Variants in PRELID2 observed in about 807,000 individuals in gnomAD.
The protein encoded by PRELID2 is PRELI domain containing 2, also known as PRELI domain-containing protein 2.
PRELID2 carries 25 observed loss-of-function variants against 28.4 expected under a neutral mutation model. The ratio of observed to expected loss-of-function variants is 0.88; its 90% CI spans 0.64 to 1.23. The LOEUF (loss-of-function observed/expected upper bound fraction) is 1.23, where lower values mean the gene tolerates loss of function less well. Among genes scored for constraint, PRELID2 ranks in the 50% most tolerant of loss-of-function variants. The pLI is 0.00. For missense variants in PRELID2, 201 were observed against 214.4 expected (o/e 0.94, Z 0.39); for synonymous variants, 76 against 71.6 (o/e 1.06, Z -0.31).
At chr5:145,230,076 G>A in the PRELID2 span, 3 of 655,588 alleles carry the variant, frequency 4.6e-6, no homozygotes, top group South Asian at 2.8e-5. Context: ...ATGAGGAGCT[G>A]GGGCCTCCTC....
the PRELID2 span, among the ~76,000 whole-genome samples, chr5:145,240,063 T>C: frequency 6.6e-6 from 1 of 152,000 alleles, no homozygotes; most frequent in African/African-American, 2.4e-5. Flanking sequence ...GCGTCTTTCT[T>C]GTTGATAATA....
chr5:145,294,984 C>G, the PRELID2 span, among the ~76,000 whole-genome samples: 2 of 152,092 alleles, frequency 1.3e-5, no homozygotes, highest in Non-Finnish European at 1.5e-5. Context: ...GCTTCACAGC[C>G]ATTTTGCTGT....
At chr5:145,721,409 G>A (rs1243838491) in intron 1 of PRELID2, among the ~76,000 whole-genome samples, 13 of 152,082 alleles carry the variant, frequency 8.5e-5, no homozygotes, top group Admixed American at 8.5e-4. Context: ...AGGCTAACCA[G>A]CAGACAAGGG....
chr5:145,625,564 A>G (rs1753834396), intron 1 of PRELID2, among the ~76,000 whole-genome samples: 1 of 152,264 alleles, frequency 6.6e-6, no homozygotes, highest in Admixed American at 6.5e-5. Context: ...ATAAAAATCC[A>G]ACATCTTTTG....
At chr5:145,834,926 G>A in intron 1 of PRELID2, 1 of 413,700 alleles carries the variant, frequency 2.4e-6, no homozygotes. Context: ...ATTCCCGGAG[G>A]CTCTTCCTAA....
the PRELID2 span, among the ~76,000 whole-genome samples, chr5:145,418,763 T>G: frequency 6.6e-6 from 1 of 151,964 alleles, no homozygotes; most frequent in Non-Finnish European, 1.5e-5. Context: ...AGTTTTAGGG[T>G]ACATGTGCAC....
At chr5:145,369,276 C>A in the PRELID2 span, among the ~76,000 whole-genome samples, 1 of 151,980 alleles carries the variant, frequency 6.6e-6, no homozygotes, top group Non-Finnish European at 1.5e-5. Flanking sequence ...CTTCCCTAGC[C>A]CCTCAACACC....
At chr5:145,516,573 T>G (rs946044164) in intron 1 of PRELID2, among the ~76,000 whole-genome samples, 1 of 152,176 alleles carries the variant, frequency 6.6e-6, no homozygotes, top group African/African-American at 2.4e-5. Context: ...CAAAGTAATT[T>G]ATAGATTCAA....
chr5:145,583,659 G>A (rs1278198687), intron 1 of PRELID2, among the ~76,000 whole-genome samples: 1 of 151,966 alleles, frequency 6.6e-6, no homozygotes, highest in African/African-American at 2.4e-5. Context: ...GGCAAGCAGA[G>A]AGCCAAATTA....
At chr5:145,368,256 A>T in the PRELID2 span, among the ~76,000 whole-genome samples, 4 of 152,076 alleles carry the variant, frequency 2.6e-5, no homozygotes, top group South Asian at 4.1e-4. Flanking sequence ...AATGTTTTAA[A>T]TGGGATGCTC....
At chr5:145,653,764 T>C (rs1391890950) in intron 1 of PRELID2, among the ~76,000 whole-genome samples, 2 of 152,122 alleles carry the variant, frequency 1.3e-5, no homozygotes, top group Non-Finnish European at 2.9e-5. Flanking sequence ...TAGAGGGAAA[T>C]TTATAGCATT....
intron 1 of PRELID2, among the ~76,000 whole-genome samples, chr5:145,511,478 T>C (rs371176834): frequency 3.3e-5 from 5 of 152,226 alleles, no homozygotes; most frequent in East Asian, 3.8e-4. Flanking sequence ...GGAAAGCATC[T>C]GAAGGGAACA....
the PRELID2 span, among the ~76,000 whole-genome samples, chr5:145,380,664 T>C: frequency 1.3e-5 from 2 of 152,218 alleles, no homozygotes; most frequent in Non-Finnish European, 2.9e-5. Context: ...GGTTTGCTCT[T>C]TAGACTTCAT....
intron 4 of PRELID2, among the ~76,000 whole-genome samples, chr5:145,817,218 A>AT (rs1554099375): frequency 1.1e-4 from 7 of 62,154 alleles, no homozygotes; most frequent in African/African-American, 2.7e-4. Flanking sequence ...TAAATAAAAA[A>AT]AAATATATAT....
intron 1 of PRELID2, among the ~76,000 whole-genome samples, chr5:145,510,290 CT>C (rs940335513): frequency 6.6e-6 from 1 of 152,164 alleles, no homozygotes; most frequent in Non-Finnish European, 1.5e-5. Context: ...CCTCACCACA[CT>C]TTTTCCCAGA....
At chr5:145,391,922 T>G in the PRELID2 span, among the ~76,000 whole-genome samples, 2 of 152,206 alleles carry the variant, frequency 1.3e-5, no homozygotes, top group Non-Finnish European at 2.9e-5. Context: ...CATCTCCATC[T>G]GAGCCCACCT....
At chr5:145,625,461 CAGT>C (rs1475995710) in intron 1 of PRELID2, among the ~76,000 whole-genome samples, 7 of 152,136 alleles carry the variant, frequency 4.6e-5, no homozygotes, top group Admixed American at 4.6e-4. Flanking sequence ...AAACAGGTCA[CAGT>C]AGACCACAGA....
chr5:145,452,072 C>CT, the PRELID2 span, among the ~76,000 whole-genome samples: 16 of 152,280 alleles, frequency 1.1e-4, no homozygotes, highest in African/African-American at 3.8e-4. Context: ...TGCATGCATA[C>CT]TGTTGTAACT....
the PRELID2 span, among the ~76,000 whole-genome samples, chr5:145,387,271 G>GTGAAA: frequency 1.3e-5 from 2 of 151,860 alleles, no homozygotes; most frequent in African/African-American, 4.8e-5. Context: ...TGTTGGGCTA[G>GTGAAA]TGAAATTACA....
Sources: allele counts gnomAD v4.1 joint callset (sites outside exome capture counted in the v4.1 genomes callset), GRCh38; gene constraint gnomAD v4.1.1; transcripts MANE v1.5; gene names NCBI Gene and HGNC (gene_info 2026-07-23, HGNC 2026-07-21).